The following SEC24B variants were observed in gnomAD, a reference collection of about 807,000 sequenced individuals.
SEC24B encodes the protein protein transport protein Sec24B.
In SEC24B, 45 loss-of-function variants were observed where a neutral mutation model predicts 142.8. The observed-to-expected ratio is 0.32, with a 90% confidence interval of 0.25 to 0.40. The LOEUF (loss-of-function observed/expected upper bound fraction) is 0.40, where lower values mean the gene tolerates loss of function less well. Ranked by LOEUF, SEC24B falls within the 10% of genes least tolerant of loss-of-function variation. The probability of loss-of-function intolerance (pLI) is 1.00; values close to 1 mark genes in which losing one functional copy is unlikely to be tolerated. For synonymous variants in SEC24B, 574 were observed against 568.2 expected (o/e 1.01, Z -0.15); for missense variants, 1,409 against 1,526.8 (o/e 0.92, Z 1.29).
At chr4:109,517,297 A>C (rs537886043) in intron 11 of SEC24B, among the ~76,000 whole-genome samples, 1 of 146,356 alleles carries the variant, frequency 6.8e-6, no homozygotes, top group South Asian at 2.2e-4. Flanking sequence ...CAGCCTTTAA[A>C]AAGAAAATTT....
intron 9 of SEC24B, among the ~76,000 whole-genome samples, chr4:109,513,483 C>A (rs1737598037): frequency 1.3e-5 from 2 of 151,932 alleles, no homozygotes; most frequent in African/African-American, 4.8e-5. Flanking sequence ...GAGGTTTCAC[C>A]ATGTTGGTCA....
intron 22 of SEC24B, among the ~76,000 whole-genome samples, chr4:109,537,035 T>A (rs1283031477): frequency 6.6e-6 from 1 of 152,154 alleles, no homozygotes; most frequent in East Asian, 1.9e-4. Context: ...TATAAAAAGT[T>A]CTCTTACAAA....
intron 22 of SEC24B, 47 bp downstream of exon 22, chr4:109,533,732 TTTATTGATGTAAA>T: frequency 9.0e-7 from 1 of 1,105,074 alleles, no homozygotes. Context: ...CTCATTTTTT[TTTATTGATGTAAA>T]ATTCATGTAA....
At position 109,505,861 on chromosome 4, in the gene SEC24B, CTG is replaced by C. The variant is rs374846574; in HGVS notation, c.1489-465_1489-464del. ...AGTTTGAACATCATAAGAATAATGA[CTG>C]TAATTCATTACATCAGTTTGAGATA... On this transcript the variant is annotated intron_variant, in intron 6 of 23. Transcript: ENST00000265175. 3.2e-4 allele frequency among the ~76,000 whole-genome samples: 49 copies of C among 152,282 alleles called. No individual in the cohort carries two copies. The East Asian group carries it at 4.8e-3, about 15-fold the overall frequency.
intron 18 of SEC24B, among the ~76,000 whole-genome samples, chr4:109,529,232 G>T (rs1015005773): frequency 6.6e-6 from 1 of 152,042 alleles, no homozygotes; most frequent in East Asian, 1.9e-4. Flanking sequence ...TCAAAAGCTT[G>T]TATATCAGAT....
At position 109,540,356 on chromosome 4, in the gene SEC24B, T is replaced by C. The variant is rs921534202; in HGVS notation, c.*681T>C. 8 of 152,682 alleles carry C rather than the reference T, an allele frequency of 5.2e-5. No individual in the cohort carries two copies. Among genetic ancestry groups the C allele is most frequent in the African/African-American group, 1.9e-4 (8 of 41,470 alleles). The allele number at this position is 152,682 out of a possible 1,614,324, so 9.5% of individuals were successfully genotyped here. On this transcript the variant is annotated 3_prime_UTR_variant, in exon 24 of 24. Transcript: ENST00000265175. ...GAGGTTGACTAATGCATATTATGAATTGAGTCCACAAAGGAACACAAAACT... is the reference window on the plus strand; with the variant it reads ...GAGGTTGACTAATGCATATTATGAACTGAGTCCACAAAGGAACACAAAACT...
intron 1 of SEC24B, among the ~76,000 whole-genome samples, chr4:109,460,306 T>A (rs1291479763): frequency 6.6e-6 from 1 of 152,178 alleles, no homozygotes; most frequent in Non-Finnish European, 1.5e-5. Flanking sequence ...TAATACATTA[T>A]TATGGCAAGG....
chr4:109,455,265 T>C (rs1260767818), intron 1 of SEC24B, among the ~76,000 whole-genome samples: 1 of 152,134 alleles, frequency 6.6e-6, no homozygotes, highest in Middle Eastern at 3.2e-3. Flanking sequence ...CTTTTTTTTT[T>C]TGGGATGGAG....
intron 6 of SEC24B, among the ~76,000 whole-genome samples, chr4:109,503,311 C>A (rs1736356351): frequency 1.3e-5 from 2 of 151,746 alleles, no homozygotes; most frequent in Admixed American, 1.3e-4. Context: ...GCAACCTCTG[C>A]CTTCCGGTTT....
chr4:109,492,807 T>C (rs572008251), intron 5 of SEC24B, among the ~76,000 whole-genome samples: 2 of 152,062 alleles, frequency 1.3e-5, no homozygotes, highest in Admixed American at 1.3e-4. Flanking sequence ...CTGGTACTAC[T>C]GGGCTCAAGC....
chr4:109,488,113 A>G (rs942201197), intron 4 of SEC24B, among the ~76,000 whole-genome samples: 3 of 152,172 alleles, frequency 2.0e-5, no homozygotes, highest in African/African-American at 7.2e-5. Flanking sequence ...GTTTTGAGAA[A>G]TAATTCACAT....
chr4:109,512,615 T>G (rs1461700328), intron 9 of SEC24B, among the ~76,000 whole-genome samples: 3 of 152,168 alleles, frequency 2.0e-5, no homozygotes, highest in Non-Finnish European at 2.9e-5. Context: ...TCTCACCTGA[T>G]TTCAGAACAT....
intron 1 of SEC24B, among the ~76,000 whole-genome samples, chr4:109,448,549 C>T (rs1183005603): frequency 6.6e-6 from 1 of 152,034 alleles, no homozygotes; most frequent in African/African-American, 2.4e-5. Context: ...ATTCTCCTGC[C>T]TCAGCCTCCC....
At position 109,449,869 on chromosome 4, in the gene SEC24B, C is replaced by T. The variant is rs533274878; in HGVS notation, c.134-13032C>T. On this transcript the variant is annotated intron_variant, in intron 1 of 23. Transcript: ENST00000265175. ...TCTTCCTCTGTGAGGTTATTTTTTC[C>T]TTTTCATGGTCTGTTTATTAGGAGT... Among the ~76,000 whole-genome samples the T allele has an allele frequency of 4.7e-3, 714 of 152,100 alleles. 3 individuals carry two copies. The highest frequency in any genetic ancestry group is 8.6e-3 in the Non-Finnish European group (586 of 67,976).
intron 2 of SEC24B, among the ~76,000 whole-genome samples, chr4:109,465,553 T>TC (rs2125938437): frequency 6.6e-6 from 1 of 152,348 alleles, no homozygotes; most frequent in African/African-American, 2.4e-5. Context: ...TCCTCTCTCT[T>TC]CTTTCAACAT....
At chr4:109,470,595 T>C (rs1578828091) in intron 2 of SEC24B, among the ~76,000 whole-genome samples, 1 of 152,234 alleles carries the variant, frequency 6.6e-6, no homozygotes, top group South Asian at 2.1e-4. Flanking sequence ...GTGGCACCTA[T>C]GTATAGAAGC....
intron 2 of SEC24B, among the ~76,000 whole-genome samples, chr4:109,464,810 A>G (rs1397025593): frequency 6.6e-6 from 1 of 152,100 alleles, no homozygotes; most frequent in Admixed American, 6.5e-5. Context: ...GAGATCATCT[A>G]CTCTTTCATT....
At chr4:109,529,868 G>A (rs1171750342) in intron 18 of SEC24B, among the ~76,000 whole-genome samples, 1 of 152,058 alleles carries the variant, frequency 6.6e-6, no homozygotes, top group Non-Finnish European at 1.5e-5. Flanking sequence ...CAAATAGCTG[G>A]GACTACAGGC....
At chr4:109,475,476 C>G (rs549323434) in intron 3 of SEC24B, among the ~76,000 whole-genome samples, 176 of 152,234 alleles carry the variant, frequency 1.2e-3, no homozygotes, top group African/African-American at 4.2e-3. Flanking sequence ...GTTGTTCTCC[C>G]AAGACTAAGC....
Sources: allele counts gnomAD v4.1 joint callset (sites outside exome capture counted in the v4.1 genomes callset), GRCh38; gene constraint gnomAD v4.1.1; transcripts MANE v1.5; gene names NCBI Gene and HGNC (gene_info 2026-07-23, HGNC 2026-07-21).